The following OCIAD1 variants were observed in gnomAD, a reference collection of about 807,000 sequenced individuals.
The protein encoded by OCIAD1 is OCIA domain containing 1.
In OCIAD1, 29 loss-of-function variants were observed where a neutral mutation model predicts 38.9. The ratio of observed to expected loss-of-function variants is 0.74; its 90% CI spans 0.55 to 1.02. OCIAD1 has a LOEUF of 1.02. OCIAD1 is among the 50% of genes least tolerant of loss of function. The probability of loss-of-function intolerance (pLI) is 0.00; values close to 1 mark genes in which losing one functional copy is unlikely to be tolerated. For missense variants in OCIAD1, 288 were observed against 289.6 expected, an observed-to-expected ratio of 0.99 and a Z score of 0.04; for synonymous variants, 110 against 92.0, an observed-to-expected ratio of 1.20 and a Z score of -1.12.
chr4:48,828,477 G>T (rs1344450527), upstream of OCIAD1, among the ~76,000 whole-genome samples: 1 of 152,124 alleles, frequency 6.6e-6, no homozygotes, highest in Admixed American at 6.6e-5. Context: ...TGGAAGCTTT[G>T]TTCTTTTGCT....
chr4:48,845,608 T>C (rs1286644514), intron 4 of OCIAD1, among the ~76,000 whole-genome samples: 1 of 152,244 alleles, frequency 6.6e-6, no homozygotes, highest in Admixed American at 6.5e-5. Flanking sequence ...TTTGTCTAGT[T>C]GTTTGGGAAA....
rs1273618686 is a variant in OCIAD1 at position 48,861,018 on chromosome 4, G to A, written c.*256G>A. ...ATGATTGTATACAGTTTGTGAAATT[G>A]TTGCAAGGGCAAAGATAACTCTTAA... On this transcript the variant is annotated 3_prime_UTR_variant, in exon 9 of 9. Coordinates refer to ENST00000264312, the MANE Select transcript of OCIAD1 (RefSeq NM_017830.4). The A allele has an allele frequency of 2.6e-6, 1 of 388,772 alleles. No homozygotes were observed. The highest frequency in any genetic ancestry group is 2.1e-5 in the African/African-American group (1 of 47,698). 24.1% of individuals were successfully genotyped at this position (388,772 alleles called of 1,614,324 possible).
chr4:48,852,085 C>A, intron 7 of OCIAD1, 110 bp downstream of exon 7: 2 of 768,508 alleles, frequency 2.6e-6, no homozygotes, highest in South Asian at 1.9e-5. Context: ...TACCATCAAT[C>A]ATCAACCTAA....
intron 3 of OCIAD1, among the ~76,000 whole-genome samples, chr4:48,835,571 C>T (rs1306922642): frequency 3.3e-5 from 5 of 152,102 alleles, no homozygotes; most frequent in Non-Finnish European, 7.4e-5. Flanking sequence ...TGGTGGCTCA[C>T]ACCTGTAATC....
At chr4:48,825,534 T>C (rs1426889187) in intron 1 of OCIAD1, among the ~76,000 whole-genome samples, 2 of 152,160 alleles carry the variant, frequency 1.3e-5, no homozygotes, top group African/African-American at 4.8e-5. Flanking sequence ...TTGGGGTACA[T>C]AGGAATACCA....
upstream of OCIAD1, among the ~76,000 whole-genome samples, chr4:48,829,117 G>A (rs1406976456): frequency 6.6e-6 from 1 of 151,986 alleles, no homozygotes; most frequent in Non-Finnish European, 1.5e-5. Flanking sequence ...AAAATTAGCT[G>A]GGCGTGGTGG....
upstream of OCIAD1, among the ~76,000 whole-genome samples, chr4:48,830,003 G>C (rs1299418920): frequency 6.6e-6 from 1 of 152,218 alleles, no homozygotes; most frequent in Non-Finnish European, 1.5e-5. Flanking sequence ...TGATGTAAAA[G>C]CAGAATTTTG....
At chr4:48,852,882 G>GTTTTTGTT (rs1779631805) in intron 7 of OCIAD1, among the ~76,000 whole-genome samples, 1 of 126,338 alleles carries the variant, frequency 7.9e-6, no homozygotes, top group Non-Finnish European at 1.7e-5. Context: ...TTTGTTTTTT[G>GTTTTTGTT]TTTTTTTTTT....
Position 48,860,726 on chromosome 4 carries a change from C to A in OCIAD1, c.702C>A (p.Val234=). The change falls in exon 9 of 9, where the codon GTC becomes GTA. Residue 234 remains valine, a splice_region_variant and synonymous_variant. Coordinates refer to ENST00000264312, the MANE Select transcript of OCIAD1 (RefSeq NM_017830.4). ...CAATTATTTATGCTTTTTTCCTAGT[C>A]AAAGTAAACAAGTATGGAGATACTT... The part of the protein sequence containing the change: ...PMHERVPKKE[V]KVNKYGDTWD... 1.3e-6 allele frequency: 2 copies of A among 1,593,390 alleles called. No individual in the cohort carries two copies. The highest frequency in any genetic ancestry group is 2.2e-5 in the South Asian group (2 of 89,780).
intron 5 of OCIAD1, 35 bp from the exon 6 acceptor site, chr4:48,849,912 T>C: frequency 1.3e-6 from 2 of 1,565,674 alleles, no homozygotes; most frequent in Non-Finnish European, 1.7e-6. Flanking sequence ...GAAAGGCACA[T>C]TCAGTTACAC....
At chr4:48,859,100 T>C (rs942729967) in intron 8 of OCIAD1, among the ~76,000 whole-genome samples, 22 of 152,196 alleles carry the variant, frequency 1.4e-4, no homozygotes, top group Non-Finnish European at 1.5e-5. Context: ...TGAAAGTCCT[T>C]AGTATTTGTT....
chr4:48,816,276 T>C (rs1442158739), intron 1 of OCIAD1, among the ~76,000 whole-genome samples: 1 of 152,218 alleles, frequency 6.6e-6, no homozygotes, highest in African/African-American at 2.4e-5. Context: ...TTCATTAGAA[T>C]AAACTGGAGG....
At chr4:48,846,995 G>T (rs1240792963) in intron 4 of OCIAD1, among the ~76,000 whole-genome samples, 2 of 152,040 alleles carry the variant, frequency 1.3e-5, no homozygotes, top group African/African-American at 4.8e-5. Flanking sequence ...GTGCCTTTTT[G>T]ATAGACATTT....
At chr4:48,836,952 G>A (rs1386934315) in intron 3 of OCIAD1, among the ~76,000 whole-genome samples, 2 of 152,142 alleles carry the variant, frequency 1.3e-5, no homozygotes, top group African/African-American at 2.4e-5. Context: ...AAATTTTCAT[G>A]GCTCATTAGA....
intron 3 of OCIAD1, among the ~76,000 whole-genome samples, chr4:48,834,018 G>T (rs1777761429): frequency 6.6e-6 from 1 of 151,164 alleles, no homozygotes; most frequent in Admixed American, 6.6e-5. Flanking sequence ...ATATATTTGT[G>T]TATATATATA....
In OCIAD1 at chr4:48,847,284, C is replaced by G. The variant is rs550362908; in HGVS notation, c.194-1115C>G. ...CTGTTTAAGTCTGTTAACCATTTTT[C>G]CATTGTATTGTCTTTTTTCCTATTG... On this transcript the variant is annotated intron_variant, in intron 4 of 8. Coordinates refer to ENST00000264312, the MANE Select transcript of OCIAD1 (RefSeq NM_017830.4). Among the ~76,000 whole-genome samples the G allele has an allele frequency of 1.6e-4, 25 of 152,214 alleles. No individual in the cohort carries two copies. In the South Asian group the frequency reaches 5.2e-3, roughly 32 times the overall value.
intron 1 of OCIAD1, among the ~76,000 whole-genome samples, chr4:48,820,711 G>T (rs1272360663): frequency 6.6e-6 from 1 of 152,056 alleles, no homozygotes. Flanking sequence ...AAATGATAAA[G>T]GTGATATCAC....
Position 48,850,010 on chromosome 4 carries a change from T to A in OCIAD1, c.305T>A (p.Phe102Tyr). 1.2e-6 allele frequency: 2 copies of A among 1,613,514 alleles called. No individual in the cohort carries two copies. The highest frequency in any genetic ancestry group is 1.7e-6 in the Non-Finnish European group (2 of 1,179,780). The change falls in exon 6 of 9, where the codon TTC becomes TAC. Residue 102 changes from phenylalanine to tyrosine, a missense_variant. Phe to Tyr is a conservative substitution (Grantham distance 22). Coordinates refer to ENST00000264312, the MANE Select transcript of OCIAD1 (RefSeq NM_017830.4). The part of the protein sequence containing the change: ...LSYVKTCQEK[F>Y]KKLENSPLGE... The stretch of plus-strand genomic sequence containing the variant: ...TATGTGAAAACTTGCCAAGAGAAAT[T>A]CAAGAAACTTGAAAATTCCCCCCTT...
Position 48,833,252 on chromosome 4 carries a change from C to CA in OCIAD1, c.59-143dup, listed in dbSNP as rs1314102477. On this transcript the variant is annotated intron_variant, in intron 2 of 8. Transcript: ENST00000264312. ...GGGCAACAAGAGTGAAACACTGTCT[C>CA]AAAAAACAAAAAAAGTGCATAAGCC... 3.4e-5 allele frequency: 20 copies of CA among 591,538 alleles called. 1 individual carries two copies. The Admixed American group carries it at 4.8e-4, about 14-fold the overall frequency. 36.6% of individuals were successfully genotyped at this position (591,538 alleles called of 1,614,324 possible).
Sources: allele counts gnomAD v4.1 joint callset (sites outside exome capture counted in the v4.1 genomes callset), GRCh38; gene constraint gnomAD v4.1.1; transcripts MANE v1.5; gene names NCBI Gene and HGNC (gene_info 2026-07-23, HGNC 2026-07-21).